The following IFIH1 variants were observed in gnomAD, a reference collection of about 807,000 sequenced individuals.
IFIH1 encodes the protein interferon induced with helicase C domain 1, also known as interferon-induced helicase C domain-containing protein 1.
In IFIH1, 125 loss-of-function variants were observed where a neutral mutation model predicts 107.4. That is an observed-to-expected ratio of 1.16 (90% confidence interval 1.01 to 1.35). The LOEUF (loss-of-function observed/expected upper bound fraction) is 1.35, where lower values mean the gene tolerates loss of function less well. IFIH1 is among the 40% of genes most tolerant of loss of function. IFIH1 has a pLI of 0.00. For missense variants in IFIH1, 1,333 were observed against 1,213.7 expected (o/e 1.10, Z -1.46); for synonymous variants, 458 against 413.2 (o/e 1.11, Z -1.31).
chr2:162,292,224 T>C (rs1282812412), intron 4 of IFIH1, among the ~76,000 whole-genome samples: 1 of 151,902 alleles, frequency 6.6e-6, no homozygotes, highest in Non-Finnish European at 1.5e-5. Flanking sequence ...AGATTATCTA[T>C]TTTGAGTTCT....
intron 1 of IFIH1, among the ~76,000 whole-genome samples, chr2:162,311,296 T>C (rs1683381324): frequency 6.6e-6 from 1 of 152,162 alleles, no homozygotes; most frequent in Admixed American, 6.5e-5. Context: ...AGCCATGTTA[T>C]GTCTATTTTC....
At chr2:162,302,270 T>C (rs760508016) in intron 3 of IFIH1, among the ~76,000 whole-genome samples, 14 of 152,132 alleles carry the variant, frequency 9.2e-5, no homozygotes, top group Non-Finnish European at 1.9e-4. Context: ...TAATTAATAT[T>C]TGCATGCACT....
intron 5 of IFIH1, 96 bp from the exon 6 acceptor site, chr2:162,282,672 G>A: frequency 1.4e-6 from 1 of 711,874 alleles, no homozygotes. Flanking sequence ...CATGAAAAGA[G>A]GTGTTTACAT....
At chr2:162,307,570 A>T (rs2105227551) in intron 2 of IFIH1, among the ~76,000 whole-genome samples, 1 of 152,234 alleles carries the variant, frequency 6.6e-6, no homozygotes. Context: ...TGGGTATTTT[A>T]TTAAGGGCTT....
chr2:162,295,512 G>A (rs10439291), intron 3 of IFIH1, among the ~76,000 whole-genome samples: 19,168 of 151,838 alleles, frequency 0.13, 2,814 homozygotes, highest in African/African-American at 0.33. Flanking sequence ...AATATGTAAG[G>A]TATCTTTCTT....
chr2:162,268,360 A>G (rs1245663385), intron 13 of IFIH1, 83 bp from the exon 14 acceptor site: 2 of 885,754 alleles, frequency 2.3e-6, no homozygotes, highest in African/African-American at 3.4e-5. Flanking sequence ...TGAAATTTGG[A>G]GGTCTTAGTT....
At chr2:162,294,947 T>A (rs1683059818) in intron 3 of IFIH1, among the ~76,000 whole-genome samples, 1 of 151,958 alleles carries the variant, frequency 6.6e-6, no homozygotes, top group East Asian at 1.9e-4. Flanking sequence ...AACTCAAAAC[T>A]GCAAATATTT....
At chr2:162,269,930 A>T (rs557622113) in intron 13 of IFIH1, among the ~76,000 whole-genome samples, 21 of 152,330 alleles carry the variant, frequency 1.4e-4, no homozygotes, top group African/African-American at 5.1e-4. Context: ...TTTTTCCCTA[A>T]AAGTTTTAAT....
At chr2:162,277,775 C>T in intron 9 of IFIH1, 82 bp from the exon 10 acceptor site, 2 of 1,469,130 alleles carry the variant, frequency 1.4e-6, no homozygotes, top group Non-Finnish European at 1.8e-6. Context: ...ATATATGTTA[C>T]TAACTGCAAA....
chr2:162,267,388 C>T lies in IFIH1; in HGVS notation c.2899-9G>A. 2 of 1,613,796 alleles carry T rather than the reference C, an allele frequency of 1.2e-6. No individual in the cohort carries two copies. Among genetic ancestry groups the T allele is most frequent in the Non-Finnish European group, 1.7e-6 (2 of 1,179,914 alleles). On this transcript the variant is annotated splice_polypyrimidine_tract_variant and intron_variant, in intron 15 of 15. Transcript: ENST00000649979. ...ATCATTGTTCCCCAAGCCTGGAAAA[C>T]AAAAGAGAGAGCAAGAGGAAAATTA...
chr2:162,307,675 CA>C (rs1302939164), intron 2 of IFIH1, among the ~76,000 whole-genome samples: 1 of 152,122 alleles, frequency 6.6e-6, no homozygotes, highest in African/African-American at 2.4e-5. Flanking sequence ...TCTAACGTAT[CA>C]TTTTTTATTA....
chr2:162,267,433 A>G (rs1238933540), intron 15 of IFIH1, 46 bp downstream of exon 15: 1 of 1,612,178 alleles, frequency 6.2e-7, no homozygotes, highest in South Asian at 1.1e-5. Context: ...GCAATTAAAC[A>G]TTCCTGTTGG....
At chr2:162,295,224 A>G (rs1187276536) in intron 3 of IFIH1, among the ~76,000 whole-genome samples, 1 of 152,040 alleles carries the variant, frequency 6.6e-6, no homozygotes, top group East Asian at 1.9e-4. Context: ...TCAGACAACC[A>G]GTGGCAACCA....
chr2:162,288,806 T>G (rs1268961575), intron 4 of IFIH1, among the ~76,000 whole-genome samples: 1 of 151,846 alleles, frequency 6.6e-6, no homozygotes, highest in Non-Finnish European at 1.5e-5. Context: ...TTGGAATCAT[T>G]AGTCCTCCCA....
At chr2:162,288,917 G>GCACACACACACACACA (rs3051152) in intron 4 of IFIH1, among the ~76,000 whole-genome samples, 48 of 135,448 alleles carry the variant, frequency 3.5e-4, no homozygotes, top group Non-Finnish European at 5.7e-4. Flanking sequence ...ATACCAAAAA[G>GCACACACACACACACA]CACACACACA....
intron 3 of IFIH1, among the ~76,000 whole-genome samples, chr2:162,302,744 T>C (rs1352117124): frequency 1.3e-5 from 2 of 152,164 alleles, no homozygotes; most frequent in African/African-American, 4.8e-5. Context: ...AACAAACAGA[T>C]ACCTGGAATG....
At chr2:162,304,383 G>C (rs148361640) in intron 3 of IFIH1, among the ~76,000 whole-genome samples, 2 of 152,076 alleles carry the variant, frequency 1.3e-5, no homozygotes, top group African/African-American at 4.8e-5. Flanking sequence ...GATCACTTGC[G>C]CCTGGGAGGT....
rs1683373192 is a variant in IFIH1 at position 162,310,795 on chromosome 2, T to C, written c.592A>G (p.Thr198Ala). The change falls in exon 2 of 16, where the codon ACA (threonine) becomes GCA (alanine). Residue 198 changes from threonine to alanine, a missense_variant. Transcript: ENST00000649979. ...TGNNELVQEL[T>A]GSDCSESNAE... is the part of the protein sequence containing the mutation. ...TTGCTTTCTGAGCAATCAGAGCCTG[T>C]TAACTCTTGGACAAGTTCATTGTTT... The C allele has an allele frequency of 3.1e-6, 5 of 1,613,884 alleles. No homozygotes were observed. The highest frequency in any genetic ancestry group is 1.3e-5 in the African/African-American group (1 of 75,064).
chr2:162,311,134 A>G (rs181299127), intron 1 of IFIH1, among the ~76,000 whole-genome samples: 1 of 152,302 alleles, frequency 6.6e-6, no homozygotes, highest in Admixed American at 6.5e-5. Context: ...AACAACAACA[A>G]CAACAACAAA....
Sources: gnomAD v4.1 joint callset for allele counts (sites outside exome capture counted in the v4.1 genomes callset) on GRCh38, gnomAD v4.1.1 for gene constraint, MANE v1.5 for transcripts, NCBI Gene and HGNC (gene_info 2026-07-23, HGNC 2026-07-21) for gene names.